Variants in SCUBE1 observed in about 807,000 individuals in gnomAD.
The protein encoded by SCUBE1 is signal peptide, CUB domain and EGF like domain containing 1, also known as signal peptide, CUB and EGF-like domain-containing protein 1.
In SCUBE1, 59 loss-of-function variants were observed where a neutral mutation model predicts 124.4. The observed-to-expected ratio is 0.47, with a 90% CI of 0.38 to 0.59. The LOEUF (loss-of-function observed/expected upper bound fraction) is 0.59. Ranked by LOEUF, SCUBE1 falls within the 20% of genes least tolerant of loss-of-function variation. The pLI, the probability that SCUBE1 is intolerant of heterozygous loss-of-function variation, is 0.00. For synonymous variants in SCUBE1, 545 were observed against 550.9 expected (o/e 0.99, Z 0.15); for missense variants, 1,150 against 1,371.2 (o/e 0.84, Z 2.55).
At chr22:43,302,244 T>TG (rs1925802010) in intron 3 of SCUBE1, among the ~76,000 whole-genome samples, 2 of 152,176 alleles carry the variant, frequency 1.3e-5, no homozygotes, top group Non-Finnish European at 2.9e-5. Flanking sequence ...GGATCCATGT[T>TG]GGGGGGCCTC....
At chr22:43,309,430 C>G (rs138344198) in intron 3 of SCUBE1, among the ~76,000 whole-genome samples, 1 of 152,118 alleles carries the variant, frequency 6.6e-6, no homozygotes, top group Non-Finnish European at 1.5e-5. Context: ...TTCTGATGCT[C>G]CTTGAGGGCC....
At chr22:43,239,312 A>G (rs6003120) in intron 6 of SCUBE1, among the ~76,000 whole-genome samples, 51,169 of 152,144 alleles carry the variant, frequency 0.34, 9,630 homozygotes, top group African/African-American at 0.51. Flanking sequence ...CTGGATTCCT[A>G]AAACTTTGAC....
At chr22:43,214,046 C>CCGGGGGGGGGGGGGGGGGGGGGG in intron 16 of SCUBE1, 44 bp downstream of exon 16, 1 of 422,702 alleles carries the variant, frequency 2.4e-6, no homozygotes, top group Non-Finnish European at 4.1e-6. Context: ...GAGGAGCCCC[C>CCGGGGGGGGGGGGGGGGGGGGGG]GCCCACCCCC....
chr22:43,287,246 G>A (rs907154122), intron 4 of SCUBE1, among the ~76,000 whole-genome samples: 2 of 152,232 alleles, frequency 1.3e-5, no homozygotes, highest in African/African-American at 2.4e-5. Flanking sequence ...GAGCCTGTGT[G>A]TGTCCCCCAA....
chr22:43,214,058 A>ACCCCCCCCCC, intron 16 of SCUBE1, 32 bp downstream of exon 16: 1 of 214,038 alleles, frequency 4.7e-6, no homozygotes, highest in Non-Finnish European at 7.4e-6. Context: ...CCCACCCCCC[A>ACCCCCCCCCC]CCCCCACCTC....
chr22:43,301,667 C>G (rs1223230696), intron 3 of SCUBE1, among the ~76,000 whole-genome samples: 2 of 152,186 alleles, frequency 1.3e-5, no homozygotes, highest in East Asian at 3.9e-4. Flanking sequence ...CACGCCCCCA[C>G]CCACCTGGAA....
rs540878043 is a variant in SCUBE1 at position 43,220,977 on chromosome 22, C to T, written c.1549+196G>A. On this transcript the variant is annotated intron_variant, in intron 13 of 21. Transcript: ENST00000360835. ...GCTGGTGCCTTCCTCCGGGGCCCCT[C>T]GTACCAAGCTTGCCCTCCGCTGTTT... Among the ~76,000 whole-genome samples the T allele has an allele frequency of 1.1e-3, 161 of 152,292 alleles. No homozygotes were observed. The Middle Eastern group carries it at 0.041, about 39-fold the overall frequency.
In SCUBE1 at chr22:43,216,670, C is replaced by CA. The variant is rs544575513; in HGVS notation, c.1891+1584dup. On this transcript the variant is annotated intron_variant, in intron 15 of 21. Coordinates refer to ENST00000360835, the MANE Select transcript of SCUBE1 (RefSeq NM_173050.5). ...TGTCTCAAAAATAAAAACAAACAAACAAAAAAAGAAAGTAGAAGATGACAT... is the reference window on the plus strand; with the variant it reads ...TGTCTCAAAAATAAAAACAAACAAACAAAAAAAAGAAAGTAGAAGATGACAT... 3.5e-3 allele frequency among the ~76,000 whole-genome samples: 536 copies of CA among 151,824 alleles called. 6 individuals are homozygous for CA. Among genetic ancestry groups the CA allele is most frequent in the African/African-American group, 0.012 (514 of 41,388 alleles).
At chr22:43,278,356 T>G (rs1924618871) in intron 4 of SCUBE1, among the ~76,000 whole-genome samples, 1 of 152,208 alleles carries the variant, frequency 6.6e-6, no homozygotes, top group Admixed American at 6.5e-5. Flanking sequence ...AGAAGGCAGG[T>G]GCTGAGGCTG....
intron 3 of SCUBE1, among the ~76,000 whole-genome samples, chr22:43,315,716 G>A (rs957584526): frequency 5.3e-5 from 8 of 149,888 alleles, no homozygotes; most frequent in African/African-American, 7.4e-5. Context: ...AGTTAGAGCC[G>A]CGTGAGGTTG....
rs561226649 is a variant in SCUBE1 at position 43,206,148 on chromosome 22, C to T, written c.2814+1386G>A. On this transcript the variant is annotated intron_variant, in intron 21 of 21. Transcript: ENST00000360835. ...CCACTACACACACCGCCTCCATTCA[C>T]CACACACCCCCCCAAACACACCACA... 8.6e-4 allele frequency among the ~76,000 whole-genome samples: 116 copies of T among 134,342 alleles called. 1 individual carries two copies. Among genetic ancestry groups the T allele is most frequent in the African/African-American group, 3.3e-3 (115 of 35,086 alleles). The allele number at this position is 134,342 out of a possible 152,430, so 88.1% of individuals were successfully genotyped here. A position where few individuals can be genotyped will look rare whatever the true frequency, so the allele number is the denominator to read the frequency against.
intron 3 of SCUBE1, among the ~76,000 whole-genome samples, chr22:43,302,925 C>T (rs879594815): frequency 9.2e-5 from 14 of 152,256 alleles, no homozygotes; most frequent in South Asian, 4.2e-4. Context: ...ACCTCCAGGC[C>T]GGTGGATGGG....
intron 1 of SCUBE1, among the ~76,000 whole-genome samples, chr22:43,340,404 G>A (rs553801581): frequency 1.3e-5 from 2 of 152,008 alleles, no homozygotes; most frequent in African/African-American, 4.8e-5. Context: ...TGGAACAGCT[G>A]TTGGGGCAAA....
chr22:43,265,060 T>A (rs1299636372), intron 4 of SCUBE1, among the ~76,000 whole-genome samples: 1 of 152,208 alleles, frequency 6.6e-6, no homozygotes, highest in Non-Finnish European at 1.5e-5. Context: ...GAAAGGGAGA[T>A]TGAATTTCCA....
chr22:43,285,528 T>C (rs1925104196), intron 4 of SCUBE1, among the ~76,000 whole-genome samples: 1 of 151,814 alleles, frequency 6.6e-6, no homozygotes, highest in Admixed American at 6.6e-5. Flanking sequence ...CCAGCAACAA[T>C]AGGGGGCGGG....
chr22:43,210,776 C>A lies in SCUBE1; in HGVS notation c.2383+146G>T, dbSNP rs113164898. The stretch of plus-strand genomic sequence containing the variant: ...GGTGCCACAGGCCTCCAGATGGATG[C>A]AATGCACCCGAGAGCAGACGGGACG... On this transcript the variant is annotated intron_variant, in intron 18 of 21. Coordinates refer to ENST00000360835, the MANE Select transcript of SCUBE1 (RefSeq NM_173050.5). The surrounding 1 kb of genome is among the most constrained non-coding windows in gnomAD (Gnocchi z 4.5). 1.0e-6 allele frequency: 1 copy of A among 963,430 alleles called. No homozygotes were observed. The allele number at this position is 963,430 out of a possible 1,614,324, so 59.7% of individuals were successfully genotyped here.
chr22:43,257,609 A>G (rs1024776101), intron 6 of SCUBE1, among the ~76,000 whole-genome samples: 26 of 152,260 alleles, frequency 1.7e-4, no homozygotes, highest in African/African-American at 6.3e-4. Context: ...TCAGGTTGGG[A>G]AGAAAGGCCA....
intron 6 of SCUBE1, among the ~76,000 whole-genome samples, chr22:43,249,043 G>A (rs542508897): frequency 6.6e-6 from 1 of 152,278 alleles, no homozygotes; most frequent in East Asian, 1.9e-4. Context: ...AGGGTGAGTG[G>A]TGGGACAGGG....
At position 43,255,934 on chromosome 22, in the gene SCUBE1, C is replaced by T. The variant is rs528230372; in HGVS notation, c.727+2285G>A. 5.1e-4 allele frequency among the ~76,000 whole-genome samples: 77 copies of T among 152,214 alleles called. No individual in the cohort carries two copies. Among genetic ancestry groups the T allele is most frequent in the African/African-American group, 1.5e-3 (64 of 41,518 alleles). On this transcript the variant is annotated intron_variant, in intron 6 of 21. Coordinates refer to ENST00000360835, the MANE Select transcript of SCUBE1 (RefSeq NM_173050.5). This position sits in a 1 kb window ranked among gnomAD's most constrained non-coding sequence, Gnocchi z 4.7. Reference sequence around the variant, plus strand: ...AGAGCCACAGAAGCAGAAAGCACCACCATGGTGCTTTACGGAGACACAAGT... The same window carrying T: ...AGAGCCACAGAAGCAGAAAGCACCATCATGGTGCTTTACGGAGACACAAGT...
Sources: gnomAD v4.1 joint callset for allele counts (sites outside exome capture counted in the v4.1 genomes callset) on GRCh38, gnomAD v4.1.1 for gene constraint, Gnocchi (gnomAD v3.1) non-coding constraint, MANE v1.5 for transcripts, NCBI Gene and HGNC (gene_info 2026-07-23, HGNC 2026-07-21) for gene names.